Variants in NPAS3 observed in about 807,000 individuals in gnomAD.
NPAS3 encodes neuronal PAS domain-containing protein 3.
In NPAS3, 14 loss-of-function variants were observed where a neutral mutation model predicts 73.1. That is an observed-to-expected ratio of 0.19 (90% CI 0.13 to 0.30). The LOEUF is 0.30. Among genes scored for constraint, NPAS3 ranks in the 10% least tolerant of loss-of-function variants. The pLI, the probability that NPAS3 is intolerant of heterozygous loss-of-function variation, is 1.00. For missense variants in NPAS3, 1,096 were observed against 1,250.0 expected, an observed-to-expected ratio of 0.88 and a Z score of 1.86; for synonymous variants, 620 against 541.5, an observed-to-expected ratio of 1.14 and a Z score of -2.01.
intron 1 of NPAS3, among the ~76,000 whole-genome samples, chr14:33,024,325 C>T (rs2039721931): frequency 6.6e-6 from 1 of 152,012 alleles, no homozygotes; most frequent in African/African-American, 2.4e-5. Flanking sequence ...GCGCCCACCA[C>T]CACACCCGGC....
chr14:33,308,304 C>A (rs2042841136), intron 3 of NPAS3, among the ~76,000 whole-genome samples: 1 of 151,934 alleles, frequency 6.6e-6, no homozygotes. Flanking sequence ...CCCCCAACAA[C>A]AAAACCAAAC....
At position 33,587,442 on chromosome 14, in the gene NPAS3, C is replaced by G. The variant is rs1465834022; in HGVS notation, c.558+27232C>G. ...GTTCTCACATGTAATAACTGGGTGTCTCAGTAGGTTCCCTACTCTATGCTC... is the reference window on the plus strand; with the variant it reads ...GTTCTCACATGTAATAACTGGGTGTGTCAGTAGGTTCCCTACTCTATGCTC... On this transcript the variant is annotated intron_variant, in intron 5 of 11. Coordinates refer to ENST00000356141, the Ensembl canonical transcript of NPAS3. 2.0e-5 allele frequency among the ~76,000 whole-genome samples: 3 copies of G among 152,144 alleles called. No homozygotes were observed. In the East Asian group the frequency reaches 5.8e-4, roughly 29 times the overall value.
chr14:33,029,671 G>A (rs1566483397), intron 1 of NPAS3, among the ~76,000 whole-genome samples: 1 of 152,272 alleles, frequency 6.6e-6, no homozygotes, highest in Non-Finnish European at 1.5e-5. Context: ...ACCAAACCTG[G>A]TGATCAAATG....
At chr14:33,037,946 G>A (rs968216652) in intron 1 of NPAS3, among the ~76,000 whole-genome samples, 1 of 152,200 alleles carries the variant, frequency 6.6e-6, no homozygotes, top group African/African-American at 2.4e-5. Context: ...TTCAAAATCA[G>A]AGGCATCGGG....
chr14:33,439,519 C>T (rs544644314), intron 4 of NPAS3, among the ~76,000 whole-genome samples: 14 of 152,246 alleles, frequency 9.2e-5, no homozygotes, highest in Non-Finnish European at 1.9e-4. Context: ...GAATTGTGGC[C>T]ATACCCATGC....
At chr14:33,774,176 T>C (rs982056776) in intron 7 of NPAS3, among the ~76,000 whole-genome samples, 161 bp from the exon 8 acceptor site, 2 of 152,200 alleles carry the variant, frequency 1.3e-5, no homozygotes, top group African/African-American at 2.4e-5. Context: ...TTTTGTCTCT[T>C]GCCACAAGGA....
At chr14:33,584,026 A>G (rs759627052) in intron 5 of NPAS3, among the ~76,000 whole-genome samples, 1 of 152,216 alleles carries the variant, frequency 6.6e-6, no homozygotes, top group Non-Finnish European at 1.5e-5. Flanking sequence ...TCTTTCTATT[A>G]CTAATGTAGA....
chr14:33,061,230 T>A (rs1595357918), intron 2 of NPAS3, among the ~76,000 whole-genome samples: 1 of 152,192 alleles, frequency 6.6e-6, no homozygotes, highest in Middle Eastern at 3.4e-3. Flanking sequence ...GCAGCAGGAG[T>A]GAATTCTTTT....
At chr14:33,642,546 G>C (rs8009173) in intron 5 of NPAS3, among the ~76,000 whole-genome samples, 12,649 of 152,216 alleles carry the variant, frequency 0.083, 563 homozygotes, top group South Asian at 0.12. Context: ...CTGGGTACAA[G>C]ATTGAAAAAT....
chr14:33,505,988 C>T (rs923120157), intron 4 of NPAS3, among the ~76,000 whole-genome samples: 1 of 151,964 alleles, frequency 6.6e-6, no homozygotes, highest in Non-Finnish European at 1.5e-5. Context: ...CCCATATCCA[C>T]GCGTTCTTTC....
chr14:33,503,866 G>A (rs1380656651), intron 4 of NPAS3, among the ~76,000 whole-genome samples: 6 of 151,852 alleles, frequency 4.0e-5, no homozygotes, highest in African/African-American at 1.5e-4. Flanking sequence ...TAGTGTACAA[G>A]GAAACATTCG....
intron 2 of NPAS3, among the ~76,000 whole-genome samples, chr14:33,204,964 T>G (rs1346754072): frequency 6.6e-6 from 1 of 152,012 alleles, no homozygotes; most frequent in Non-Finnish European, 1.5e-5. Context: ...TCAAGGCACT[T>G]CTCATGCTCA....
chr14:33,529,053 C>T (rs975823548), intron 4 of NPAS3, among the ~76,000 whole-genome samples: 2 of 152,104 alleles, frequency 1.3e-5, no homozygotes, highest in African/African-American at 4.8e-5. Flanking sequence ...CTTAGAACAA[C>T]ACAGCTAAAC....
At chr14:33,502,605 C>T (rs2052571769) in intron 4 of NPAS3, among the ~76,000 whole-genome samples, 1 of 150,610 alleles carries the variant, frequency 6.6e-6, no homozygotes, top group Non-Finnish European at 1.5e-5. Context: ...CGTTTCTACA[C>T]CTCTGCTTAC....
chr14:33,058,544 C>A (rs1465178001), intron 2 of NPAS3, among the ~76,000 whole-genome samples: 1 of 152,158 alleles, frequency 6.6e-6, no homozygotes, highest in East Asian at 1.9e-4. Flanking sequence ...AGCTTATAGT[C>A]TATTACAGCG....
At chr14:33,342,288 G>A (rs2044523753) in intron 3 of NPAS3, among the ~76,000 whole-genome samples, 1 of 152,178 alleles carries the variant, frequency 6.6e-6, no homozygotes, top group African/African-American at 2.4e-5. Context: ...ATACTGCCCA[G>A]GAATATGGGA....
At chr14:33,678,690 A>T (rs1189007395) in intron 6 of NPAS3, among the ~76,000 whole-genome samples, 1 of 151,674 alleles carries the variant, frequency 6.6e-6, no homozygotes, top group Non-Finnish European at 1.5e-5. Flanking sequence ...AAGCTAGATC[A>T]TCCTGTCAAT....
At chr14:33,152,060 C>G (rs1013330188) in intron 2 of NPAS3, among the ~76,000 whole-genome samples, 8 of 152,012 alleles carry the variant, frequency 5.3e-5, no homozygotes, top group Non-Finnish European at 7.4e-5. Context: ...TTGTCAATAT[C>G]TGGAGACATT....
intron 4 of NPAS3, among the ~76,000 whole-genome samples, chr14:33,556,616 G>A (rs1840388155): frequency 6.6e-6 from 1 of 152,198 alleles, no homozygotes; most frequent in Admixed American, 6.5e-5. Flanking sequence ...CTCTAGTTGA[G>A]AGCTGAATAA....
Sources: gnomAD v4.1 joint callset for allele counts (sites outside exome capture counted in the v4.1 genomes callset) on GRCh38, gnomAD v4.1.1 for gene constraint, MANE v1.5 for transcripts, NCBI Gene and HGNC (gene_info 2026-07-23, HGNC 2026-07-21) for gene names.